Variants in CTNND2 observed in about 807,000 individuals in gnomAD.
CTNND2 encodes catenin delta-2.
In CTNND2, 22 loss-of-function variants were observed where a neutral mutation model predicts 144.4. That is an observed-to-expected ratio of 0.15 (90% CI 0.11 to 0.22). The LOEUF is 0.22. Ranked by LOEUF, CTNND2 falls within the 10% of genes least tolerant of loss-of-function variation. The probability of loss-of-function intolerance (pLI) is 1.00; values close to 1 mark genes in which losing one functional copy is unlikely to be tolerated. For synonymous variants in CTNND2, 751 were observed against 695.6 expected, an observed-to-expected ratio of 1.08 and a Z score of -1.25; for missense variants, 1,353 against 1,618.8, an observed-to-expected ratio of 0.84 and a Z score of 2.82.
chr5:11,635,819 C>A (rs752577617), intron 2 of CTNND2, among the ~76,000 whole-genome samples: 3 of 152,094 alleles, frequency 2.0e-5, no homozygotes, highest in African/African-American at 4.8e-5. Context: ...AACCTGAAAC[C>A]TTTACGGGTT....
intron 1 of CTNND2, among the ~76,000 whole-genome samples, chr5:11,842,334 A>G (rs1794514537): frequency 1.3e-5 from 2 of 152,208 alleles, no homozygotes; most frequent in African/African-American, 2.4e-5. Context: ...TACCAGTAAC[A>G]CAAGCAAATT....
chr5:11,583,375 T>C (rs1036520946), intron 2 of CTNND2, among the ~76,000 whole-genome samples: 1 of 152,080 alleles, frequency 6.6e-6, no homozygotes, highest in Non-Finnish European at 1.5e-5. Flanking sequence ...CAGGCAGAAA[T>C]CTAGGAGGGT....
chr5:11,266,537 C>A (rs1480175114), intron 9 of CTNND2, among the ~76,000 whole-genome samples: 1 of 152,188 alleles, frequency 6.6e-6, no homozygotes, highest in Non-Finnish European at 1.5e-5. Flanking sequence ...TAGAAGAATT[C>A]TCATTACAGG....
intron 16 of CTNND2, among the ~76,000 whole-genome samples, chr5:11,066,782 C>A (rs980907503): frequency 3.3e-5 from 5 of 152,264 alleles, no homozygotes; most frequent in Middle Eastern, 6.8e-3. Context: ...ATGGGCTAAG[C>A]AAGCTGTCAC....
At chr5:11,661,232 T>G (rs1442146794) in intron 2 of CTNND2, among the ~76,000 whole-genome samples, 2 of 152,136 alleles carry the variant, frequency 1.3e-5, no homozygotes, top group Non-Finnish European at 1.5e-5. Context: ...AAAATAAATG[T>G]TGAGAAATAC....
chr5:11,179,807 C>G (rs186174471), intron 11 of CTNND2, among the ~76,000 whole-genome samples: 1 of 152,172 alleles, frequency 6.6e-6, no homozygotes, highest in African/African-American at 2.4e-5. Context: ...TATTTGTATT[C>G]CAAAATGATG....
chr5:11,847,315 G>T lies in CTNND2; in HGVS notation c.37+56502C>A, dbSNP rs146798220. ...TGGAATACTATTCGGCCATAAAACT[G>T]AATGAAATCCTGTTATTTGCAGCAA... On this transcript the variant is annotated intron_variant, in intron 1 of 21. Transcript: ENST00000304623. Among the ~76,000 whole-genome samples, 964 of 151,622 alleles carry T rather than the reference G, an allele frequency of 6.4e-3. 11 individuals carry two copies. The highest frequency in any genetic ancestry group is 0.018 in the African/African-American group (757 of 41,420).
At chr5:11,798,823 A>AG (rs1791534390) in intron 1 of CTNND2, among the ~76,000 whole-genome samples, 1 of 152,212 alleles carries the variant, frequency 6.6e-6, no homozygotes, top group South Asian at 2.1e-4. Context: ...CAAGTATTTC[A>AG]GGAAAAAAAA....
At chr5:11,887,443 A>T (rs13166651) in intron 1 of CTNND2, among the ~76,000 whole-genome samples, 29,801 of 152,004 alleles carry the variant, frequency 0.2, 3,368 homozygotes, top group Admixed American at 0.28. Flanking sequence ...ACATAGTCTA[A>T]CCCCACTAAA....
Position 11,761,638 on chromosome 5 carries a change from A to T in CTNND2, c.38-29366T>A, listed in dbSNP as rs115083324. 4.0e-3 allele frequency among the ~76,000 whole-genome samples: 602 copies of T among 152,282 alleles called. 4 individuals are homozygous for T. The highest frequency in any genetic ancestry group is 0.013 in the African/African-American group (560 of 41,568). The stretch of plus-strand genomic sequence containing the variant: ...GTATCATAATATTTCAATAAACTCA[A>T]GTTATTAGAGTTGCTACCTACTGAT... On this transcript the variant is annotated intron_variant, in intron 1 of 21. Coordinates refer to ENST00000304623, the MANE Select transcript of CTNND2 (RefSeq NM_001332.4).
chr5:11,898,865 A>T (rs1249040142), intron 1 of CTNND2, among the ~76,000 whole-genome samples: 1 of 152,322 alleles, frequency 6.6e-6, no homozygotes, highest in Non-Finnish European at 1.5e-5. Context: ...TATACAGCTC[A>T]CATTCTGAAA....
chr5:11,304,046 G>A (rs766174744), intron 9 of CTNND2, among the ~76,000 whole-genome samples: 10 of 152,082 alleles, frequency 6.6e-5, no homozygotes, highest in South Asian at 4.2e-4. Context: ...ACCTTCCACC[G>A]TGATTGTGAG....
intron 12 of CTNND2, among the ~76,000 whole-genome samples, chr5:11,127,520 T>G (rs1273679775): frequency 6.6e-6 from 1 of 152,226 alleles, no homozygotes; most frequent in East Asian, 1.9e-4. Context: ...TTTTCTGACA[T>G]CTGACCCGGA....
At chr5:11,385,877 C>T (rs1163476891) in intron 6 of CTNND2, 4 of 147,222 alleles carry the variant, frequency 2.7e-5, no homozygotes, top group African/African-American at 1.0e-4. Flanking sequence ...AAAAAAAAAT[C>T]TAGAGGAATT....
In CTNND2 at chr5:10,973,641, T is replaced by C. The variant is rs748727899; in HGVS notation, c.3490A>G (p.Thr1164Ala). The change falls in exon 22 of 22, where the codon ACA becomes GCA. Residue 1164 changes from threonine (T) to alanine (A), a missense_variant. Physicochemically the swap from Thr to Ala is moderately conservative, Grantham distance 58. This residue lies in a region of CTNND2 where 459 missense variants were observed against 674.3 expected (regional missense o/e 0.68). Transcript: ENST00000304623. This position sits in a 1 kb window ranked among gnomAD's most constrained non-coding sequence, Gnocchi z 5.6. ...YETYQPFQNS[T>A]RNYDESFFED... is the part of the protein sequence containing the mutation. ...AAGAAGGACTCATCGTAATTTCTTG[T>C]GGAATTCTGAAATGGCTGGTAGGTC... The C allele has an allele frequency of 1.2e-6, 2 of 1,614,132 alleles. No individual in the cohort carries two copies. Among genetic ancestry groups the C allele is most frequent in the Non-Finnish European group, 1.7e-6 (2 of 1,180,000 alleles).
At chr5:11,278,258 C>T (rs1381252591) in intron 9 of CTNND2, among the ~76,000 whole-genome samples, 3 of 152,214 alleles carry the variant, frequency 2.0e-5, no homozygotes, top group Non-Finnish European at 4.4e-5. Context: ...TCTGGCCTTG[C>T]CCTTGAACTA....
intron 9 of CTNND2, among the ~76,000 whole-genome samples, chr5:11,288,539 G>A (rs1207457049): frequency 1.3e-5 from 2 of 152,070 alleles, no homozygotes; most frequent in African/African-American, 4.8e-5. Flanking sequence ...CCGTGGGCTT[G>A]CTTGTCCACA....
At chr5:11,112,040 G>A (rs1365634009) in intron 13 of CTNND2, among the ~76,000 whole-genome samples, 3 of 151,888 alleles carry the variant, frequency 2.0e-5, no homozygotes, top group African/African-American at 7.2e-5. Flanking sequence ...TAGTAGAGAT[G>A]GGGTTTCACT....
intron 2 of CTNND2, among the ~76,000 whole-genome samples, chr5:11,648,595 T>C (rs981515913): frequency 3.9e-5 from 6 of 152,210 alleles, no homozygotes; most frequent in Non-Finnish European, 4.4e-5. Context: ...ATGCCTGTTT[T>C]GCTATAAAGT....
Sources: gnomAD v4.1 joint callset for allele counts (sites outside exome capture counted in the v4.1 genomes callset) on GRCh38, gnomAD v4.1.1 for gene constraint, gnomAD v4.1.1 regional missense constraint, Gnocchi (gnomAD v3.1) non-coding constraint, MANE v1.5 for transcripts, NCBI Gene and HGNC (gene_info 2026-07-23, HGNC 2026-07-21) for gene names.